Variants in GSE1 observed in about 807,000 individuals in gnomAD.
The protein encoded by GSE1 is genetic suppressor element 1.
Under a neutral mutation model 112.6 loss-of-function variants are expected in GSE1, and 32 were observed. That is an observed-to-expected ratio of 0.28 (90% CI 0.21 to 0.38). The LOEUF (loss-of-function observed/expected upper bound fraction) is 0.38. Ranked by LOEUF, GSE1 falls within the 10% of genes least tolerant of loss-of-function variation. The pLI, the probability that GSE1 is intolerant of heterozygous loss-of-function variation, is 1.00. For synonymous variants in GSE1, 1,115 were observed against 735.6 expected (o/e 1.52, Z -8.35); for missense variants, 2,348 against 1,699.2 (o/e 1.38, Z -6.71).
chr16:85,518,786 A>G (rs921001216), intron 2 of GSE1, among the ~76,000 whole-genome samples: 16 of 152,060 alleles, frequency 1.1e-4, no homozygotes, highest in African/African-American at 3.6e-4. Context: ...CTGTGGTATA[A>G]AAAGGACCTA....
intron 2 of GSE1, among the ~76,000 whole-genome samples, chr16:85,368,672 T>C (rs1246386540): frequency 6.6e-6 from 1 of 152,192 alleles, no homozygotes; most frequent in African/African-American, 2.4e-5. Flanking sequence ...ATCACTGTAC[T>C]CCAGCCTGAG....
chr16:85,337,361 A>G (rs1246309324), intron 1 of GSE1, among the ~76,000 whole-genome samples: 1 of 143,590 alleles, frequency 7.0e-6, no homozygotes, highest in East Asian at 2.1e-4. Context: ...GCTGGAGTGC[A>G]GTGGCGCGAT....
At chr16:85,443,671 G>A (rs887858652) in intron 2 of GSE1, among the ~76,000 whole-genome samples, 34 of 152,380 alleles carry the variant, frequency 2.2e-4, no homozygotes, top group Non-Finnish European at 3.2e-4. Context: ...GCAGCAGGAG[G>A]TGCAATGCCA....
chr16:85,618,874 G>C (rs945126104), intron 1 of GSE1, among the ~76,000 whole-genome samples: 2 of 152,218 alleles, frequency 1.3e-5, no homozygotes, highest in Non-Finnish European at 2.9e-5. Context: ...GTGTTGCCCA[G>C]GGTGGTCTCA....
At chr16:85,314,385 G>A (rs2045939977) in intron 1 of GSE1, among the ~76,000 whole-genome samples, 1 of 152,190 alleles carries the variant, frequency 6.6e-6, no homozygotes, top group Non-Finnish European at 1.5e-5. Flanking sequence ...TAGAGGTGAA[G>A]CATGCAGGAT....
intron 2 of GSE1, among the ~76,000 whole-genome samples, chr16:85,521,050 G>T (rs992825606): frequency 1.3e-5 from 2 of 152,168 alleles, no homozygotes; most frequent in Non-Finnish European, 2.9e-5. Context: ...GAGCCGGTTT[G>T]TCTGGGTTCT....
chr16:85,313,223 C>A (rs1372424789), intron 1 of GSE1, among the ~76,000 whole-genome samples: 5 of 152,186 alleles, frequency 3.3e-5, no homozygotes, highest in African/African-American at 4.8e-5. Flanking sequence ...GGGGGCAGCA[C>A]CTGCGTGGGG....
intron 1 of GSE1, among the ~76,000 whole-genome samples, chr16:85,237,309 C>G (rs1401319830): frequency 6.6e-6 from 1 of 151,990 alleles, no homozygotes; most frequent in Admixed American, 6.6e-5. Context: ...GGCGACAGAG[C>G]AAGAGACTGT....
intron 1 of GSE1, among the ~76,000 whole-genome samples, chr16:85,258,523 A>C (rs10163460): frequency 0.18 from 27,113 of 152,132 alleles, 2,563 homozygotes; most frequent in African/African-American, 0.22. Flanking sequence ...CCCCGTGGCC[A>C]CTGCTCCTGC....
chr16:85,649,291 G>T (rs2051137832), intron 3 of GSE1, among the ~76,000 whole-genome samples: 1 of 152,194 alleles, frequency 6.6e-6, no homozygotes, highest in African/African-American at 2.4e-5. Flanking sequence ...TTGGGCGGGG[G>T]TGGCAGTCCA....
intron 2 of GSE1, among the ~76,000 whole-genome samples, chr16:85,512,590 CTGAT>C (rs1370452108): frequency 1.3e-5 from 2 of 152,166 alleles, no homozygotes; most frequent in African/African-American, 2.4e-5. Flanking sequence ...AGGCAAATGG[CTGAT>C]TGATTGCTTT....
chr16:85,639,536 C>T (rs1259060786), intron 2 of GSE1, among the ~76,000 whole-genome samples: 2 of 152,264 alleles, frequency 1.3e-5, no homozygotes, highest in African/African-American at 2.4e-5. Context: ...CGGGATCCCC[C>T]CATCATCCCT....
intron 1 of GSE1, among the ~76,000 whole-genome samples, chr16:85,294,284 G>A (rs2045300929): frequency 6.6e-6 from 1 of 152,178 alleles, no homozygotes; most frequent in East Asian, 1.9e-4. Context: ...CTCTGGTTTT[G>A]TTTTGCCTGT....
At chr16:85,341,146 G>T (rs995118964) in intron 1 of GSE1, among the ~76,000 whole-genome samples, 1 of 152,000 alleles carries the variant, frequency 6.6e-6, no homozygotes, top group Non-Finnish European at 1.5e-5. Flanking sequence ...ATTCATCACT[G>T]CATGCAAGAA....
At chr16:85,341,758 C>A (rs973942867) in intron 1 of GSE1, among the ~76,000 whole-genome samples, 1 of 151,572 alleles carries the variant, frequency 6.6e-6, no homozygotes. Context: ...CCCTGGCCCC[C>A]CAAAACACTG....
At chr16:85,465,882 G>C (rs2050108294) in intron 2 of GSE1, among the ~76,000 whole-genome samples, 1 of 152,330 alleles carries the variant, frequency 6.6e-6, no homozygotes, top group East Asian at 1.9e-4. Context: ...TTTCTTGCCA[G>C]ACCAATGAGT....
intron 1 of GSE1, among the ~76,000 whole-genome samples, chr16:85,354,700 C>T (rs6564116): frequency 0.25 from 38,070 of 152,200 alleles, 4,971 homozygotes; most frequent in South Asian, 0.38. Context: ...AATGCAGATG[C>T]GGCCCAGCAT....
chr16:85,251,028 T>C (rs1906415426), intron 1 of GSE1, among the ~76,000 whole-genome samples: 1 of 152,280 alleles, frequency 6.6e-6, no homozygotes, highest in Non-Finnish European at 1.5e-5. Context: ...TATTCCACTG[T>C]GTGGGTGTGC....
intron 1 of GSE1, among the ~76,000 whole-genome samples, chr16:85,584,837 G>A (rs2046613933): frequency 6.6e-6 from 1 of 152,012 alleles, no homozygotes; most frequent in Admixed American, 6.6e-5. Flanking sequence ...TGGCTCTGCA[G>A]GATGGAAACG....
Sources: gnomAD v4.1 joint callset for allele counts (sites outside exome capture counted in the v4.1 genomes callset) on GRCh38, gnomAD v4.1.1 for gene constraint, MANE v1.5 for transcripts, NCBI Gene and HGNC (gene_info 2026-07-23, HGNC 2026-07-21) for gene names.